The following VANGL1 variants were observed in gnomAD, a reference collection of about 807,000 sequenced individuals.
VANGL1 encodes the protein vang-like protein 1.
A neutral mutation model predicts 48.4 loss-of-function variants in VANGL1; 18 were observed. The observed-to-expected ratio is 0.37, with a 90% CI of 0.26 to 0.55. The LOEUF is 0.55. Ranked by LOEUF, VANGL1 falls within the 20% of genes least tolerant of loss-of-function variation. The probability of loss-of-function intolerance (pLI) is 0.81; values close to 1 mark genes in which losing one functional copy is unlikely to be tolerated. For missense variants in VANGL1, 667 were observed against 675.8 expected, an observed-to-expected ratio of 0.99 and a Z score of 0.14; for synonymous variants, 257 against 261.8, an observed-to-expected ratio of 0.98 and a Z score of 0.18.
intron 4 of VANGL1, among the ~76,000 whole-genome samples, chr1:115,679,611 C>T (rs772638195): frequency 5.3e-5 from 8 of 152,176 alleles, no homozygotes; most frequent in Non-Finnish European, 1.0e-4. Context: ...CAGGAGGCTC[C>T]GACCCACCCA....
At chr1:115,660,668 T>A (rs974825853) in intron 3 of VANGL1, among the ~76,000 whole-genome samples, 1 of 152,066 alleles carries the variant, frequency 6.6e-6, no homozygotes, top group African/African-American at 2.4e-5. Context: ...ATAAACAAAG[T>A]GGTGTATGAT....
At position 115,691,491 on chromosome 1, in the gene VANGL1, C is replaced by G; in HGVS notation, c.*112C>G. 8.2e-7 allele frequency: 1 copy of G among 1,216,312 alleles called. No individual in the cohort carries two copies. The highest frequency in any genetic ancestry group is 2.6e-5 in the East Asian group (1 of 39,084). The allele number at this position is 1,216,312 out of a possible 1,614,324, so 75.3% of individuals were successfully genotyped here. ...AATTCTTCTTCATTGCTGACTGAAA[C>G]TGGCAGATGATTGACCAGTATCCTT... On this transcript the variant is annotated 3_prime_UTR_variant, in exon 8 of 8. Coordinates refer to ENST00000355485, the MANE Select transcript of VANGL1 (RefSeq NM_138959.3).
At chr1:115,668,228 C>T (rs955809539) in intron 4 of VANGL1, among the ~76,000 whole-genome samples, 6 of 152,202 alleles carry the variant, frequency 3.9e-5, no homozygotes, top group Non-Finnish European at 8.8e-5. Flanking sequence ...TGCATGTTCA[C>T]GTCACTGCTT....
At chr1:115,674,225 C>G (rs79746722) in intron 4 of VANGL1, among the ~76,000 whole-genome samples, 1 of 152,146 alleles carries the variant, frequency 6.6e-6, no homozygotes, top group Non-Finnish European at 1.5e-5. Context: ...CCAGCTTTGC[C>G]CCCACTGTGG....
chr1:115,681,503 G>GTTTTTTTTTTTTTTTTTTTTTTT (rs368388367), intron 4 of VANGL1, among the ~76,000 whole-genome samples: 1 of 114,880 alleles, frequency 8.7e-6, no homozygotes, highest in African/African-American at 3.2e-5. Context: ...TTTTTTTGTT[G>GTTTTTTTTTTTTTTTTTTTTTTT]TTTTTTTTGT....
chr1:115,663,712 A>C lies in VANGL1; in HGVS notation c.256A>C (p.Ser86Arg). 1 of 1,614,224 alleles carries C rather than the reference A, an allele frequency of 6.2e-7. No homozygotes were observed. Among genetic ancestry groups the C allele is most frequent in the Non-Finnish European group, 8.5e-7 (1 of 1,180,038 alleles). The change falls in exon 4 of 8, where the codon AGC (serine) becomes CGC (arginine). Residue 86 changes from serine (S) to arginine (R), a missense_variant. Ser to Arg is a moderately radical substitution (Grantham distance 110, BLOSUM62 -1). Transcript: ENST00000355485. Reference protein sequence around the residue: ...TTAITGTSEHSISQEDIARIS... With the variant: ...TTAITGTSEHRISQEDIARIS... The stretch of plus-strand genomic sequence containing the variant: ...GGCCATCACAGGCACCTCGGAGCAC[A>C]GCATATCCCAAGAGGACATTGCCAG...
intron 5 of VANGL1, among the ~76,000 whole-genome samples, 157 bp from the exon 6 acceptor site, chr1:115,683,787 G>T (rs1326153141): frequency 6.6e-6 from 1 of 152,310 alleles, no homozygotes; most frequent in South Asian, 2.1e-4. Context: ...TGGAGCCGGG[G>T]CACAGTTCAC....
chr1:115,671,106 G>A (rs898133661), intron 4 of VANGL1: 2 of 152,316 alleles, frequency 1.3e-5, no homozygotes, highest in East Asian at 1.9e-4. Flanking sequence ...ACAGCCTTGC[G>A]CCCGGAGCCC....
chr1:115,664,222 C>A lies in VANGL1; in HGVS notation c.766C>A (p.Arg256Ser). 2 of 1,613,914 alleles carry A rather than the reference C, an allele frequency of 1.2e-6. No homozygotes were observed. Among genetic ancestry groups the A allele is most frequent in the Non-Finnish European group, 1.7e-6 (2 of 1,179,890 alleles). ...GCCCATGTTCACGCTGCAGGTGGTC[C>A]GCTCCACCGATGGCGAGTCCCGCTT... ...LQPMFTLQVV[R>S]STDGESRFYS... Residue 256 changes from arginine (R) to serine (S), a missense_variant, in exon 4 of 8, where the codon CGC (arginine) becomes AGC (serine). Physicochemically the swap from Arg to Ser is moderately radical, Grantham distance 110. Transcript: ENST00000355485.
chr1:115,643,697 A>G (rs1651817367), intron 1 of VANGL1, among the ~76,000 whole-genome samples: 1 of 152,204 alleles, frequency 6.6e-6, no homozygotes. Flanking sequence ...CAAGCAGTAC[A>G]TTTTTATTGT....
At chr1:115,687,737 G>GTGTT (rs1653682556) in intron 7 of VANGL1, among the ~76,000 whole-genome samples, 1 of 128,616 alleles carries the variant, frequency 7.8e-6, no homozygotes, top group Non-Finnish European at 1.7e-5. Context: ...GTGTGTGTGT[G>GTGTT]TGTGTGTGTG....
chr1:115,669,522 A>C (rs771178132), intron 4 of VANGL1, among the ~76,000 whole-genome samples: 10 of 152,146 alleles, frequency 6.6e-5, no homozygotes, highest in African/African-American at 2.2e-4. Context: ...TCATTGAATC[A>C]CGGGGGCGAT....
intron 4 of VANGL1, among the ~76,000 whole-genome samples, chr1:115,669,818 G>A (rs974791077): frequency 2.0e-5 from 3 of 152,126 alleles, no homozygotes; most frequent in Non-Finnish European, 4.4e-5. Flanking sequence ...ATGTGGTAAC[G>A]AATCACAGAA....
In VANGL1 at chr1:115,692,195, G is replaced by T. The variant is rs1450565220; in HGVS notation, c.*816G>T. 6.6e-6 allele frequency: 1 copy of T among 152,588 alleles called. No individual in the cohort carries two copies. Among genetic ancestry groups the T allele is most frequent in the South Asian group, 2.1e-4 (1 of 4,828 alleles). 9.5% of individuals were successfully genotyped at this position (152,588 alleles called of 1,614,324 possible). On this transcript the variant is annotated 3_prime_UTR_variant, in exon 8 of 8. Transcript: ENST00000355485. The stretch of plus-strand genomic sequence containing the variant: ...TTGTTTCCATAGGGAAGTGTGGGGT[G>T]CCCAGCAGGTAAAGCACAGGGAGAG...
At chr1:115,649,601 G>A (rs1002806731) in intron 1 of VANGL1, among the ~76,000 whole-genome samples, 3 of 152,208 alleles carry the variant, frequency 2.0e-5, no homozygotes, top group African/African-American at 4.8e-5. Context: ...TGGAGCTCGC[G>A]CTGGGTGCCT....
chr1:115,671,490 G>C (rs10754329), intron 4 of VANGL1, among the ~76,000 whole-genome samples: 106,366 of 152,118 alleles, frequency 0.7, 37,372 homozygotes, highest in South Asian at 0.74. Context: ...TGCTTACTCA[G>C]GAGGAAGGCG....
chr1:115,673,951 A>G (rs1451634742), intron 4 of VANGL1, among the ~76,000 whole-genome samples: 1 of 152,118 alleles, frequency 6.6e-6, no homozygotes, highest in Non-Finnish European at 1.5e-5. Context: ...ACTAAACATA[A>G]CATCTGCAAA....
chr1:115,645,721 CATAAT>C (rs1651888661), intron 1 of VANGL1, among the ~76,000 whole-genome samples: 1 of 152,160 alleles, frequency 6.6e-6, no homozygotes, highest in African/African-American at 2.4e-5. Context: ...AGCTTCAAGA[CATAAT>C]ATAAATAATA....
chr1:115,646,511 T>TG (rs1167983308), intron 1 of VANGL1, among the ~76,000 whole-genome samples: 55 of 145,124 alleles, frequency 3.8e-4, no homozygotes, highest in African/African-American at 8.6e-4. Flanking sequence ...TTTTTTTTTT[T>TG]GATAGTTCTG....
Sources: gnomAD v4.1 joint callset for allele counts (sites outside exome capture counted in the v4.1 genomes callset) on GRCh38, gnomAD v4.1.1 for gene constraint, MANE v1.5 for transcripts, NCBI Gene and HGNC (gene_info 2026-07-23, HGNC 2026-07-21) for gene names.